CLIC5: variants seen among roughly 807,000 people sequenced by gnomAD.
CLIC5 encodes CLIC family member 5.
Under a neutral mutation model 24.7 loss-of-function variants are expected in CLIC5, and 20 were observed. That is an observed-to-expected ratio of 0.81 (90% CI 0.57 to 1.18). The LOEUF is 1.18. CLIC5 is among the 50% of genes most tolerant of loss of function. CLIC5 has a pLI of 0.00. For missense variants in CLIC5, 341 were observed against 326.1 expected, an observed-to-expected ratio of 1.05 and a Z score of -0.35; for synonymous variants, 159 against 135.6, an observed-to-expected ratio of 1.17 and a Z score of -1.20.
chr6:45,957,144 G>A (rs1365399792), intron 1 of CLIC5, among the ~76,000 whole-genome samples: 1 of 152,162 alleles, frequency 6.6e-6, no homozygotes, highest in Non-Finnish European at 1.5e-5. Context: ...TCCATATACT[G>A]TTATCTGTTT....
the CLIC5 span, among the ~76,000 whole-genome samples, chr6:46,123,688 T>G: frequency 6.6e-6 from 1 of 152,072 alleles, no homozygotes; most frequent in Non-Finnish European, 1.5e-5. Flanking sequence ...AAAACCCCAT[T>G]GTCTCAGCCC....
the CLIC5 span, among the ~76,000 whole-genome samples, chr6:46,100,474 C>T: frequency 6.6e-6 from 1 of 152,104 alleles, no homozygotes; most frequent in East Asian, 1.9e-4. Flanking sequence ...TGACGCTGTC[C>T]GCATTGGCAC....
intron 3 of CLIC5, among the ~76,000 whole-genome samples, chr6:45,944,820 G>C (rs976561610): frequency 6.6e-6 from 1 of 152,206 alleles, no homozygotes; most frequent in Non-Finnish European, 1.5e-5. Context: ...TGATGGAATG[G>C]CCTTGCTGAT....
At chr6:45,886,076 C>T (rs1302041775) in intron 6 of CLIC5, among the ~76,000 whole-genome samples, 1 of 152,196 alleles carries the variant, frequency 6.6e-6, no homozygotes, top group African/African-American at 2.4e-5. Context: ...TCAACCTTTC[C>T]TCATTCTAAG....
chr6:45,903,904 A>G (rs1762578328), intron 5 of CLIC5, among the ~76,000 whole-genome samples: 1 of 152,202 alleles, frequency 6.6e-6, no homozygotes, highest in African/African-American at 2.4e-5. Context: ...GGGAAAAAAA[A>G]CCATGAAAAG....
chr6:46,074,679 C>T (rs1484219359), intron 1 of CLIC5, among the ~76,000 whole-genome samples: 1 of 152,162 alleles, frequency 6.6e-6, no homozygotes, highest in Non-Finnish European at 1.5e-5. Context: ...GAGTGTTGTT[C>T]TTATGTCAAC....
At chr6:45,913,383 A>G (rs989275192) in intron 5 of CLIC5, among the ~76,000 whole-genome samples, 1 of 152,220 alleles carries the variant, frequency 6.6e-6, no homozygotes, top group Non-Finnish European at 1.5e-5. Flanking sequence ...GAAGGCAAGC[A>G]AAGCTGTTCT....
intron 1 of CLIC5, among the ~76,000 whole-genome samples, chr6:45,974,950 C>T (rs1207276807): frequency 6.6e-6 from 1 of 152,096 alleles, no homozygotes; most frequent in African/African-American, 2.4e-5. Context: ...TTTCCACAAA[C>T]TTATGAAAGA....
intron 1 of CLIC5, among the ~76,000 whole-genome samples, chr6:45,973,275 G>T (rs888422487): frequency 6.6e-6 from 1 of 152,140 alleles, no homozygotes; most frequent in Admixed American, 6.5e-5. Context: ...TAGTAAACTG[G>T]GCTCTCTAAA....
At chr6:45,944,168 G>C (rs553439371) in intron 3 of CLIC5, among the ~76,000 whole-genome samples, 6 of 151,948 alleles carry the variant, frequency 3.9e-5, no homozygotes, top group African/African-American at 1.4e-4. Flanking sequence ...ACCCCTATTT[G>C]TCTGAGGTTC....
At chr6:45,967,287 T>C (rs9369591) in intron 1 of CLIC5, among the ~76,000 whole-genome samples, 1 of 152,328 alleles carries the variant, frequency 6.6e-6, no homozygotes, top group East Asian at 1.9e-4. Flanking sequence ...GATGTAGTGA[T>C]GTGGTGATGA....
chr6:46,002,356 G>T (rs1581847823), intron 1 of CLIC5, among the ~76,000 whole-genome samples: 1 of 152,118 alleles, frequency 6.6e-6, no homozygotes, highest in Admixed American at 6.5e-5. Flanking sequence ...CAAGTCAGTG[G>T]CTTCATCCTT....
chr6:45,970,349 C>T (rs1765157665), intron 1 of CLIC5, among the ~76,000 whole-genome samples: 2 of 151,970 alleles, frequency 1.3e-5, no homozygotes, highest in South Asian at 2.1e-4. Flanking sequence ...GACCCAATTT[C>T]GTTTTCTCAG....
At chr6:45,919,543 G>A (rs1439854870) in intron 4 of CLIC5, among the ~76,000 whole-genome samples, 1 of 152,090 alleles carries the variant, frequency 6.6e-6, no homozygotes, top group Non-Finnish European at 1.5e-5. Context: ...GCTAGGAAGG[G>A]TGGGCTTTTC....
At chr6:45,989,948 T>A (rs549558319) in intron 1 of CLIC5, among the ~76,000 whole-genome samples, 1 of 152,268 alleles carries the variant, frequency 6.6e-6, no homozygotes, top group East Asian at 1.9e-4. Context: ...CATCCATATA[T>A]GCATCTTTGT....
At chr6:46,085,249 C>T (rs544570475), upstream of CLIC5, among the ~76,000 whole-genome samples, 5 of 152,288 alleles carry the variant, frequency 3.3e-5, no homozygotes, top group East Asian at 1.9e-4. Context: ...GTAGTTTGAT[C>T]GTCTGAAGCC....
At chr6:45,888,763 G>A (rs1282482174) in intron 6 of CLIC5, among the ~76,000 whole-genome samples, 2 of 152,104 alleles carry the variant, frequency 1.3e-5, no homozygotes, top group African/African-American at 4.8e-5. Flanking sequence ...ATCCTTCCCA[G>A]CAAGGAATGT....
chr6:45,980,179 T>C (rs1211915538), intron 1 of CLIC5, among the ~76,000 whole-genome samples: 1 of 152,150 alleles, frequency 6.6e-6, no homozygotes, highest in South Asian at 2.1e-4. Context: ...TTGCTTGTTA[T>C]TGTCAACCTT....
In CLIC5 at chr6:46,078,130, C is replaced by T. The variant is rs538273378; in HGVS notation, c.540+1573G>A. ...ATCCCAGCACTCTGGGAGGTTGAGGCGGGTGGATCACTTGAGGTTAGGAGT... is the reference window on the plus strand; with the variant it reads ...ATCCCAGCACTCTGGGAGGTTGAGGTGGGTGGATCACTTGAGGTTAGGAGT... On this transcript the variant is annotated intron_variant, in intron 1 of 5. Coordinates refer to the CLIC5 transcript ENST00000185206. Among the ~76,000 whole-genome samples the T allele has an allele frequency of 2.9e-4, 44 of 152,184 alleles. No homozygotes were observed. The South Asian group carries it at 6.2e-3, about 22-fold the overall frequency.
Sources: allele counts gnomAD v4.1 joint callset (sites outside exome capture counted in the v4.1 genomes callset), GRCh38; gene constraint gnomAD v4.1.1; transcripts MANE v1.5; gene names NCBI Gene and HGNC (gene_info 2026-07-23, HGNC 2026-07-21).